Variants in CMTM8 observed in about 807,000 individuals in gnomAD.
The protein encoded by CMTM8 is CKLF-like MARVEL transmembrane domain-containing protein 8.
CMTM8 carries 12 observed loss-of-function variants against 18.6 expected under a neutral mutation model. The ratio of observed to expected loss-of-function variants is 0.65; its 90% CI spans 0.41 to 1.05. The LOEUF (loss-of-function observed/expected upper bound fraction) is 1.05, where lower values mean the gene tolerates loss of function less well. Among genes scored for constraint, CMTM8 ranks in the 50% least tolerant of loss-of-function variants. The probability of loss-of-function intolerance (pLI) is 0.00; values close to 1 mark genes in which losing one functional copy is unlikely to be tolerated. For missense variants in CMTM8, 217 were observed against 227.2 expected, an observed-to-expected ratio of 0.95 and a Z score of 0.29; for synonymous variants, 87 against 90.6, an observed-to-expected ratio of 0.96 and a Z score of 0.23.
At chr3:32,287,519 G>A (rs931680370) in intron 1 of CMTM8, among the ~76,000 whole-genome samples, 1 of 152,006 alleles carries the variant, frequency 6.6e-6, no homozygotes, top group East Asian at 1.9e-4. Context: ...TTTTAATATA[G>A]GTTGGGTGAA....
chr3:32,312,255 C>T (rs1695833667), intron 1 of CMTM8, among the ~76,000 whole-genome samples: 1 of 152,056 alleles, frequency 6.6e-6, no homozygotes, highest in East Asian at 1.9e-4. Context: ...TCAATGCCTC[C>T]CTAGGCTTGA....
At chr3:32,319,074 A>ATATATATATATTTTTTTTTTTTTTTTT in intron 1 of CMTM8, among the ~76,000 whole-genome samples, 1 of 31,530 alleles carries the variant, frequency 3.2e-5, no homozygotes, top group African/African-American at 1.5e-4. Flanking sequence ...ATATATATAT[A>ATATATATATATTTTTTTTTTTTTTTTT]TTTTTTTTTT....
At chr3:32,245,687 G>A (rs1326856916) in intron 1 of CMTM8, among the ~76,000 whole-genome samples, 3 of 152,198 alleles carry the variant, frequency 2.0e-5, no homozygotes, top group African/African-American at 7.2e-5. Context: ...AGGGTTTACT[G>A]AGAGTTGGAA....
chr3:32,282,307 A>C (rs1028975346), intron 1 of CMTM8, among the ~76,000 whole-genome samples: 1 of 152,230 alleles, frequency 6.6e-6, no homozygotes, highest in Non-Finnish European at 1.5e-5. Context: ...ATAGATTAAA[A>C]GAGATTTATG....
intron 1 of CMTM8, among the ~76,000 whole-genome samples, chr3:32,325,690 G>A (rs1186138942): frequency 2.0e-5 from 3 of 152,184 alleles, no homozygotes; most frequent in Admixed American, 2.0e-4. Flanking sequence ...ATTTCTGGTT[G>A]TGATTTTCAA....
intron 1 of CMTM8, among the ~76,000 whole-genome samples, chr3:32,253,674 C>T (rs967791823): frequency 5.3e-5 from 8 of 151,886 alleles, no homozygotes; most frequent in East Asian, 3.9e-4. Context: ...TTAAACTAAT[C>T]GTGGTAATTT....
intron 1 of CMTM8, among the ~76,000 whole-genome samples, chr3:32,319,076 T>TATATATATATA (rs1275408606): frequency 2.0e-4 from 4 of 19,668 alleles, no homozygotes; most frequent in Non-Finnish European, 3.5e-4. Context: ...ATATATATAT[T>TATATATATATA]TTTTTTTTTT....
intron 1 of CMTM8, among the ~76,000 whole-genome samples, chr3:32,349,788 A>T (rs773640541): frequency 1.3e-5 from 2 of 152,140 alleles, no homozygotes; most frequent in Non-Finnish European, 2.9e-5. Flanking sequence ...CAGGCAGATC[A>T]CTGGAGGTCA....
In CMTM8 at chr3:32,295,468, AAAAAAAAAAAC is replaced by A. The variant is rs1236091831; in HGVS notation, c.147+56354_147+56364del. Among the ~76,000 whole-genome samples, 378 of 142,066 alleles carry A rather than the reference AAAAAAAAAAAC, an allele frequency of 2.7e-3. 2 individuals carry two copies. The highest frequency in any genetic ancestry group is 4.6e-3 in the Non-Finnish European group (305 of 66,474). The allele number at this position is 142,066 out of a possible 152,430, so 93.2% of individuals were successfully genotyped here. A position where few individuals can be genotyped will look rare whatever the true frequency, so the allele number is the denominator to read the frequency against. On this transcript the variant is annotated intron_variant, in intron 1 of 3. Coordinates refer to ENST00000307526, the MANE Select transcript of CMTM8 (RefSeq NM_178868.5). ...GAGACTCCATCTCAAAAAAAAAAAA[AAAAAAAAAAAC>A]AAAACAAAACAGCGGAAAGAGAAAA...
intron 1 of CMTM8, among the ~76,000 whole-genome samples, chr3:32,268,360 C>T (rs899399467): frequency 7.2e-5 from 11 of 152,072 alleles, no homozygotes; most frequent in Admixed American, 7.2e-4. Context: ...AACCAAACAC[C>T]GCATGTTCTC....
At chr3:32,367,841 C>T (rs772295949) in intron 2 of CMTM8, 31 bp from the exon 3 acceptor site, 17 of 1,478,456 alleles carry the variant, frequency 1.1e-5, no homozygotes, top group Non-Finnish European at 1.4e-5. Context: ...CCTCCCCTCT[C>T]CCTAAACACT....
intron 1 of CMTM8, among the ~76,000 whole-genome samples, chr3:32,254,695 G>A (rs1702154897): frequency 6.6e-6 from 1 of 151,488 alleles, no homozygotes; most frequent in South Asian, 2.1e-4. Context: ...CACGTACTTT[G>A]TGTCAGCCAA....
chr3:32,319,214 G>A (rs148204445), intron 1 of CMTM8, among the ~76,000 whole-genome samples: 1,578 of 149,914 alleles, frequency 0.011, 16 homozygotes, highest in Middle Eastern at 0.038. Flanking sequence ...GAGTAGCTGG[G>A]CTTACAGGCA....
chr3:32,313,212 A>G (rs1695853125), intron 1 of CMTM8, among the ~76,000 whole-genome samples: 1 of 152,088 alleles, frequency 6.6e-6, no homozygotes, highest in Non-Finnish European at 1.5e-5. Flanking sequence ...TGAAAACTGA[A>G]AAACCAGACT....
intron 1 of CMTM8, among the ~76,000 whole-genome samples, chr3:32,332,942 T>C (rs1047197766): frequency 3.3e-5 from 5 of 152,230 alleles, no homozygotes; most frequent in African/African-American, 1.2e-4. Flanking sequence ...GTTTGATGTA[T>C]ATGCTGTTTG....
At chr3:32,367,061 A>G (rs1697052895) in intron 2 of CMTM8, among the ~76,000 whole-genome samples, 1 of 152,060 alleles carries the variant, frequency 6.6e-6, no homozygotes, top group African/African-American at 2.4e-5. Flanking sequence ...TCTGTCTCCA[A>G]GTTACTGAGG....
chr3:32,282,693 C>T (rs939741946), intron 1 of CMTM8, among the ~76,000 whole-genome samples: 1 of 152,146 alleles, frequency 6.6e-6, no homozygotes, highest in Non-Finnish European at 1.5e-5. Flanking sequence ...CTTCCCATTG[C>T]ATTTGGAGTG....
chr3:32,242,143 G>A (rs1701951348), intron 1 of CMTM8, among the ~76,000 whole-genome samples: 1 of 152,178 alleles, frequency 6.6e-6, no homozygotes, highest in East Asian at 1.9e-4. Context: ...CCACTGGGGG[G>A]ACACACAGCC....
At chr3:32,278,034 C>T (rs1228290829) in intron 1 of CMTM8, among the ~76,000 whole-genome samples, 2 of 152,198 alleles carry the variant, frequency 1.3e-5, no homozygotes, top group South Asian at 2.1e-4. Context: ...GTGTCAGAGA[C>T]GCTGCCCACT....
Sources: allele counts gnomAD v4.1 joint callset (sites outside exome capture counted in the v4.1 genomes callset), GRCh38; gene constraint gnomAD v4.1.1; transcripts MANE v1.5; gene names NCBI Gene and HGNC (gene_info 2026-07-23, HGNC 2026-07-21).